The following SHROOM4 variants were observed in gnomAD, a reference collection of about 807,000 sequenced individuals.
SHROOM4 encodes shroom family member 4.
In SHROOM4, 17 loss-of-function variants were observed where a neutral mutation model predicts 80.3. The observed-to-expected ratio is 0.21, with a 90% CI of 0.14 to 0.32. The LOEUF (loss-of-function observed/expected upper bound fraction) is 0.32, where lower values mean the gene tolerates loss of function less well. Ranked by LOEUF, SHROOM4 falls within the 10% of genes least tolerant of loss-of-function variation. The probability of loss-of-function intolerance (pLI) is 1.00; values close to 1 mark genes in which losing one functional copy is unlikely to be tolerated. For synonymous variants in SHROOM4, 400 were observed against 437.5 expected, an observed-to-expected ratio of 0.91 and a Z score of 1.07; for missense variants, 993 against 1,140.3, an observed-to-expected ratio of 0.87 and a Z score of 1.86.
rs891547112 is a variant in SHROOM4, at chrX:50,665,279, G to A, written c.270-26971C>T. Among the ~76,000 whole-genome samples the A allele has an allele frequency of 3.6e-5, 4 of 110,930 alleles. No homozygotes were observed. In the East Asian group the frequency reaches 1.1e-3, roughly 31 times the overall value. On this transcript the variant is annotated intron_variant, in intron 2 of 8. Transcript: ENST00000376020. ...GCTAATTAACTCAGTTTATTCTTCT[G>A]TGAAGACTGGTGAGCATCTCAGGTC...
At chrX:50,704,782 G>A (rs1370905065) in intron 1 of SHROOM4, among the ~76,000 whole-genome samples, 2 of 110,927 alleles carry the variant, frequency 1.8e-5, no homozygotes, top group Non-Finnish European at 3.8e-5. Flanking sequence ...CGAAGGGAGA[G>A]GGGGTTTGTT....
chrX:50,696,300 C>A (rs1177774759), intron 1 of SHROOM4, among the ~76,000 whole-genome samples: 1 of 112,046 alleles, frequency 8.9e-6, no homozygotes, highest in African/African-American at 3.2e-5. Context: ...AAGAGCTAGG[C>A]TCCATCAAAA....
chrX:50,729,563 A>T (rs1427624512), intron 1 of SHROOM4, among the ~76,000 whole-genome samples: 1 of 111,569 alleles, frequency 9.0e-6, no homozygotes, highest in Non-Finnish European at 1.9e-5. Flanking sequence ...AAATAAAGAG[A>T]CTCAGAAAAA....
intron 1 of SHROOM4, among the ~76,000 whole-genome samples, chrX:50,747,219 T>A (rs1403099151): frequency 8.9e-6 from 1 of 112,237 alleles, no homozygotes; most frequent in African/African-American, 3.2e-5. Flanking sequence ...CAAAAGCCTC[T>A]CATAAGAGGA....
At chrX:50,662,466 A>C (rs1217386243) in intron 2 of SHROOM4, among the ~76,000 whole-genome samples, 1 of 109,724 alleles carries the variant, frequency 9.1e-6, no homozygotes, top group Non-Finnish European at 1.9e-5. Context: ...GCACCATTGC[A>C]CTCCAGCCTA....
chrX:50,779,676 A>T (rs782395500), intron 1 of SHROOM4, among the ~76,000 whole-genome samples: 2 of 111,840 alleles, frequency 1.8e-5, no homozygotes, highest in South Asian at 7.6e-4. Flanking sequence ...ACATGCAGGA[A>T]GAAGAAGAGA....
At chrX:50,641,086 A>G (rs1931577582) in intron 2 of SHROOM4, among the ~76,000 whole-genome samples, 1 of 111,770 alleles carries the variant, frequency 8.9e-6, no homozygotes, top group Non-Finnish European at 1.9e-5. Flanking sequence ...CCTAAATCCT[A>G]CCTGTTCTTC....
chrX:50,763,402 C>G (rs1453722279), intron 1 of SHROOM4, among the ~76,000 whole-genome samples: 1 of 111,115 alleles, frequency 9.0e-6, no homozygotes, highest in Non-Finnish European at 1.9e-5. Flanking sequence ...TTTATATTGC[C>G]TGCTTTTTTT....
chrX:50,655,711 G>A (rs190489291), intron 2 of SHROOM4, among the ~76,000 whole-genome samples: 1 of 109,220 alleles, frequency 9.2e-6, no homozygotes, highest in East Asian at 2.9e-4. Flanking sequence ...ATTGTGAATA[G>A]TACTGTAATA....
At chrX:50,648,916 G>A (rs1336376152) in intron 2 of SHROOM4, among the ~76,000 whole-genome samples, 4 of 112,066 alleles carry the variant, frequency 3.6e-5, no homozygotes, top group African/African-American at 9.7e-5. Flanking sequence ...AATATGGTAC[G>A]AGCGGTATTA....
chrX:50,757,062 T>C lies in SHROOM4; in HGVS notation c.117+56840A>G, dbSNP rs782676495. 2.7e-5 allele frequency among the ~76,000 whole-genome samples: 3 copies of C among 111,827 alleles called. No homozygotes were observed. In the East Asian group the frequency reaches 8.4e-4, roughly 31 times the overall value. On this transcript the variant is annotated intron_variant, in intron 1 of 8. Coordinates refer to ENST00000376020, the MANE Select transcript of SHROOM4 (RefSeq NM_020717.5). ...TTGTTGTATCTTAGAAATCTTTGTG[T>C]AACTCAAGATCACAGAGATTTACTC...
At chrX:50,681,269 T>C (rs1314755483) in intron 2 of SHROOM4, among the ~76,000 whole-genome samples, 3 of 111,227 alleles carry the variant, frequency 2.7e-5, no homozygotes, top group African/African-American at 9.8e-5. Context: ...TGCTTAGAAC[T>C]CTCTAACAGC....
chrX:50,795,044 TATATATG>T (rs1315156850), intron 1 of SHROOM4, among the ~76,000 whole-genome samples: 4 of 4,000 alleles, frequency 1.0e-3, no homozygotes, highest in East Asian at 0.12. Flanking sequence ...ATATCTCATA[TATATATG>T]ATATATATAT....
rs889829867 is a variant in SHROOM4 at position 50,786,905 on chromosome X, G to A, written c.117+26997C>T. ...TGAACAAAGTAAAAATTTCAAAAAA[G>A]AGATATAAAATATATATATTAAAAA... is the stretch of plus-strand genomic sequence containing the variant. On this transcript the variant is annotated intron_variant, in intron 1 of 8. Coordinates refer to ENST00000376020, the MANE Select transcript of SHROOM4 (RefSeq NM_020717.5). 2.7e-5 allele frequency among the ~76,000 whole-genome samples: 3 copies of A among 111,477 alleles called. No homozygotes were observed. The Admixed American group carries it at 2.9e-4, about 11-fold the overall frequency.
Position 50,746,062 on chromosome X carries a change from C to T in SHROOM4, c.118-50125G>A, listed in dbSNP as rs782180046. Among the ~76,000 whole-genome samples, 15 of 111,755 alleles carry T rather than the reference C, an allele frequency of 1.3e-4. No homozygotes were observed. The South Asian group carries it at 5.7e-3, about 43-fold the overall frequency. ...TACTATGTACTAGGTGTTATATACA[C>T]TGGATTTGTTTGAATTAACAGATTT... On this transcript the variant is annotated intron_variant, in intron 1 of 8. Transcript: ENST00000376020.
intron 1 of SHROOM4, among the ~76,000 whole-genome samples, chrX:50,734,905 C>T (rs181144670): frequency 8.5e-4 from 94 of 110,366 alleles, no homozygotes; most frequent in African/African-American, 2.6e-3. Flanking sequence ...TGCCCACCCC[C>T]GCCGCCAGGT....
chrX:50,695,189 C>T (rs782575358), intron 2 of SHROOM4, among the ~76,000 whole-genome samples: 2 of 111,873 alleles, frequency 1.8e-5, no homozygotes, highest in South Asian at 7.6e-4. Flanking sequence ...ATTCCACTTC[C>T]TCTATGAAGT....
intron 7 of SHROOM4, among the ~76,000 whole-genome samples, chrX:50,600,725 ATT>A (rs782427048): frequency 6.3e-5 from 7 of 111,938 alleles, no homozygotes; most frequent in Non-Finnish European, 1.1e-4. Context: ...CTGTTGTCAT[ATT>A]TTAGAACTCT....
At chrX:50,768,660 C>T (rs1399398060) in intron 1 of SHROOM4, among the ~76,000 whole-genome samples, 1 of 112,304 alleles carries the variant, frequency 8.9e-6, no homozygotes, top group East Asian at 2.8e-4. Flanking sequence ...CACCTATGAA[C>T]GTGAGCTGCT....
Sources: gnomAD v4.1 joint callset for allele counts (sites outside exome capture counted in the v4.1 genomes callset) on GRCh38, gnomAD v4.1.1 for gene constraint, MANE v1.5 for transcripts, NCBI Gene and HGNC (gene_info 2026-07-23, HGNC 2026-07-21) for gene names.